Variants in ZNF215 observed in about 807,000 individuals in gnomAD.
ZNF215 encodes the protein zinc finger protein 215, also known as BWSCR2-associated zinc finger protein 2.
A neutral mutation model predicts 27.2 loss-of-function variants in ZNF215; 24 were observed. That is an observed-to-expected ratio of 0.88 (90% CI 0.64 to 1.24). The LOEUF (loss-of-function observed/expected upper bound fraction) is 1.24, where lower values mean the gene tolerates loss of function less well. Among genes scored for constraint, ZNF215 ranks in the 50% most tolerant of loss-of-function variants. The pLI, the probability that ZNF215 is intolerant of heterozygous loss-of-function variation, is 0.00. For missense variants in ZNF215, 675 were observed against 605.7 expected (o/e 1.11, Z -1.20); for synonymous variants, 210 against 204.0 (o/e 1.03, Z -0.25).
chr11:6,936,744 T>C (rs1849448455), intron 3 of ZNF215, among the ~76,000 whole-genome samples: 1 of 151,988 alleles, frequency 6.6e-6, no homozygotes, highest in African/African-American at 2.4e-5. Flanking sequence ...TTAGTGGGAT[T>C]GATCCCAGAA....
chr11:6,955,620 A>G (rs1850302474), intron 6 of ZNF215, 70 bp from the exon 7 acceptor site: 2 of 1,503,584 alleles, frequency 1.3e-6, no homozygotes, highest in East Asian at 4.5e-5. Context: ...TATACCTTAT[A>G]CAGTTCAGCC....
intron 6 of ZNF215, among the ~76,000 whole-genome samples, chr11:6,953,039 G>C (rs578137343): frequency 4.7e-4 from 71 of 152,138 alleles, no homozygotes; most frequent in African/African-American, 1.6e-3. Context: ...AAATTCTTTT[G>C]TTTAAGAATG....
chr11:6,941,752 C>T, intron 4 of ZNF215, 99 bp downstream of exon 4: 1 of 1,219,696 alleles, frequency 8.2e-7, no homozygotes, highest in Non-Finnish European at 1.2e-6. Flanking sequence ...AACATGGTTC[C>T]ATCCAAGAAC....
rs766685632 is a variant in ZNF215, at chr11:6,955,897, A to G, written c.920A>G (p.Lys307Arg). ...EEEDFECSENKKSFDINSVSS... is the reference protein window; with the variant it reads ...EEEDFECSENRKSFDINSVSS... ...GAAGATTTTGAATGTAGTGAAAATA[A>G]GAAAAGCTTTGATATTAATTCAGTT... The change falls in exon 7 of 7, where the codon AAG becomes AGG. Residue 307 changes from lysine to arginine, a missense_variant. Lys to Arg is a conservative substitution (Grantham distance 26, BLOSUM62 2). Coordinates refer to ENST00000278319, the MANE Select transcript of ZNF215 (RefSeq NM_013250.4). The G allele has an allele frequency of 5.0e-6, 8 of 1,610,640 alleles. No homozygotes were observed. The highest frequency in any genetic ancestry group is 1.1e-5 in the South Asian group (1 of 89,942).
chr11:6,970,879 A>G (rs956376286), intron 5 of ZNF215, among the ~76,000 whole-genome samples: 10 of 152,166 alleles, frequency 6.6e-5, no homozygotes, highest in Non-Finnish European at 1.3e-4. Context: ...TGGAATGTGC[A>G]CCAAACATGA....
At chr11:6,966,752 C>CT (rs747010237) in intron 5 of ZNF215, among the ~76,000 whole-genome samples, 1 of 150,096 alleles carries the variant, frequency 6.7e-6, no homozygotes, top group Non-Finnish European at 1.5e-5. Context: ...TTTGGGTGTA[C>CT]TTTTTTGTTT....
In ZNF215 at chr11:6,932,594, G is replaced by C. The variant is rs1302925193; in HGVS notation, c.322G>C (p.Val108Leu). 1 of 1,614,156 alleles carries C rather than the reference G, an allele frequency of 6.2e-7. No homozygotes were observed. The highest frequency in any genetic ancestry group is 8.5e-7 in the Non-Finnish European group (1 of 1,180,016). ...CCTGCCTGAAGAAGTCAGGACTTGG[G>C]TGAATTTACAACATCCAAACAACAG... ...AILPEEVRTW[V>L]NLQHPNNSKD... The change falls in exon 3 of 7, where the codon GTG (valine) becomes CTG (leucine). Residue 108 changes from valine (V) to leucine (L), a missense_variant. Transcript: ENST00000278319.
chr11:6,959,046 T>C (rs919345804), downstream of ZNF215, among the ~76,000 whole-genome samples: 1 of 152,188 alleles, frequency 6.6e-6, no homozygotes, highest in Non-Finnish European at 1.5e-5. Flanking sequence ...TCGGGAACAA[T>C]ACTTTGCATC....
chr11:6,983,016 C>A, intron 5 of ZNF215, among the ~76,000 whole-genome samples: 1 of 149,428 alleles, frequency 6.7e-6, no homozygotes, highest in Non-Finnish European at 1.5e-5. Context: ...ACTAGCAAGA[C>A]TAATAAAGAA....
chr11:6,988,280 A>T, downstream of ZNF215: 1 of 984,318 alleles, frequency 1.0e-6, no homozygotes, highest in South Asian at 4.7e-5. Flanking sequence ...TGGGGATGGC[A>T]GACTCAGCCT....
In ZNF215 at chr11:6,932,320, G is replaced by A. The variant is rs368451970; in HGVS notation, c.48G>A (p.Leu16=). ...TGGCTATCTCAAAACCTCGAAACCT[G>A]TCTCTACGTGAACAAAGAGAGGTTC... ...KLMAISKPRN[L]SLREQREVLR... Residue 16 remains leucine, a synonymous_variant, in exon 3 of 7, where the codon CTG becomes CTA. Transcript: ENST00000278319. The A allele has an allele frequency of 2.6e-5, 42 of 1,614,096 alleles. No homozygotes were observed. The African/African-American group carries it at 5.5e-4, about 21-fold the overall frequency.
At chr11:6,950,283 CT>C (rs1359451238) in intron 6 of ZNF215, among the ~76,000 whole-genome samples, 1 of 147,442 alleles carries the variant, frequency 6.8e-6, no homozygotes, top group Non-Finnish European at 1.5e-5. Flanking sequence ...TCATTGGTAG[CT>C]TGATGGGGAT....
In ZNF215 at chr11:6,932,341, G is replaced by A. The variant is rs112867488; in HGVS notation, c.69G>A (p.Glu23=). Residue 23 remains glutamate (E), a synonymous_variant, in exon 3 of 7, where the codon GAG becomes GAA. Coordinates refer to ENST00000278319, the MANE Select transcript of ZNF215 (RefSeq NM_013250.4). The part of the protein sequence containing the change: ...PRNLSLREQR[E]VLRADMSWQQ... ...ACCTGTCTCTACGTGAACAAAGAGA[G>A]GTTCTGAGAGCAGATATGTCTTGGC... 26 of 1,614,026 alleles carry A rather than the reference G, an allele frequency of 1.6e-5. No homozygotes were observed. Among genetic ancestry groups the A allele is most frequent in the Non-Finnish European group, 1.6e-5 (19 of 1,180,042 alleles).
In ZNF215 at chr11:6,956,971, G is replaced by C; in HGVS notation, c.*440G>C. 1.0e-6 allele frequency: 1 copy of C among 988,824 alleles called. No individual in the cohort carries two copies. The highest frequency in any genetic ancestry group is 1.2e-6 in the Non-Finnish European group (1 of 832,018). 61.3% of individuals were successfully genotyped at this position (988,824 alleles called of 1,614,324 possible). On this transcript the variant is annotated 3_prime_UTR_variant, in exon 7 of 7. Transcript: ENST00000278319. ...GTCACAAGAAATCATTAGCTCATGC[G>C]AATATAAGAGAATACTTCTAAGGAC...
chr11:6,982,990 A>G (rs977945137), intron 5 of ZNF215, among the ~76,000 whole-genome samples: 1 of 150,002 alleles, frequency 6.7e-6, no homozygotes, highest in African/African-American at 2.5e-5. Context: ...GAAAGGATCA[A>G]CAAAATTGAT....
At chr11:6,978,041 T>A (rs1197471914) in intron 5 of ZNF215, among the ~76,000 whole-genome samples, 3 of 152,046 alleles carry the variant, frequency 2.0e-5, no homozygotes, top group Non-Finnish European at 4.4e-5. Context: ...GTGTAATGCC[T>A]CTTTTTTCTA....
At chr11:6,951,674 C>G (rs1590065609) in intron 6 of ZNF215, among the ~76,000 whole-genome samples, 1 of 152,010 alleles carries the variant, frequency 6.6e-6, no homozygotes. Flanking sequence ...TTGATCCTTT[C>G]AAAAAACCAG....
intron 5 of ZNF215, among the ~76,000 whole-genome samples, chr11:6,963,249 CT>C (rs1379651507): frequency 2.6e-5 from 4 of 151,996 alleles, no homozygotes; most frequent in African/African-American, 9.7e-5. Context: ...CTCATGACCC[CT>C]GATTAGGCCT....
rs756174516 is a variant in ZNF215, at chr11:6,943,130, G to A, written c.531G>A (p.Glu177=). The A allele has an allele frequency of 3.1e-6, 5 of 1,614,068 alleles. No individual in the cohort carries two copies. Among genetic ancestry groups the A allele is most frequent in the Non-Finnish European group, 4.2e-6 (5 of 1,179,986 alleles). ...KDVVVEFSKE[E]WGQLDSAVKN... is the part of the protein sequence containing the mutation. Reference sequence around the variant, plus strand: ...TGGTTGTGGAATTCAGCAAGGAAGAGTGGGGGCAACTGGACTCTGCTGTAA... The same window carrying A: ...TGGTTGTGGAATTCAGCAAGGAAGAATGGGGGCAACTGGACTCTGCTGTAA... Residue 177 remains glutamate (E), a synonymous_variant, in exon 5 of 7, where the codon GAG becomes GAA. Coordinates refer to ENST00000278319, the MANE Select transcript of ZNF215 (RefSeq NM_013250.4).
Sources: gnomAD v4.1 joint callset for allele counts (sites outside exome capture counted in the v4.1 genomes callset) on GRCh38, gnomAD v4.1.1 for gene constraint, MANE v1.5 for transcripts, NCBI Gene and HGNC (gene_info 2026-07-23, HGNC 2026-07-21) for gene names.